Variants in KMT2C observed in about 807,000 individuals in gnomAD.
KMT2C encodes lysine methyltransferase 2C.
In KMT2C, 88 loss-of-function variants were observed where a neutral mutation model predicts 507.9. That is an observed-to-expected ratio of 0.17 (90% CI 0.15 to 0.21). The LOEUF is 0.21. Among genes scored for constraint, KMT2C ranks in the 10% least tolerant of loss-of-function variants. KMT2C has a pLI of 1.00. For missense variants in KMT2C, 4,954 were observed against 5,957.8 expected (o/e 0.83, Z 5.55); for synonymous variants, 2,049 against 2,080.8 (o/e 0.98, Z 0.42).
chr7:152,390,877 C>T (rs552463541), intron 1 of KMT2C, among the ~76,000 whole-genome samples: 93 of 152,138 alleles, frequency 6.1e-4, no homozygotes, highest in Non-Finnish European at 9.6e-4. Flanking sequence ...CCAGGAGCAA[C>T]GGCTCACGCC....
Position 152,336,973 on chromosome 7 carries a change from G to A in KMT2C, c.251-6234C>T, listed in dbSNP as rs542826253. ...AATCTCCATCCACTAGGTGGCACAT[G>A]TACAGTGGTAAACTATACTAAGGAA... On this transcript the variant is annotated intron_variant, in intron 2 of 58. Transcript: ENST00000262189. Among the ~76,000 whole-genome samples, 72 of 144,056 alleles carry A rather than the reference G, an allele frequency of 5.0e-4. No homozygotes were observed. The Middle Eastern group carries it at 0.017, about 34-fold the overall frequency. 94.5% of individuals were successfully genotyped at this position (144,056 alleles called of 152,430 possible).
chr7:152,189,391 G>T (rs1251199708), intron 31 of KMT2C, among the ~76,000 whole-genome samples: 1 of 152,056 alleles, frequency 6.6e-6, no homozygotes, highest in African/African-American at 2.4e-5. Flanking sequence ...ACTATTACAG[G>T]AGATCCACAT....
chr7:152,206,509 A>G (rs1455831212), intron 24 of KMT2C, among the ~76,000 whole-genome samples: 1 of 152,280 alleles, frequency 6.6e-6, no homozygotes, highest in Non-Finnish European at 1.5e-5. Flanking sequence ...TCTTCCTTCC[A>G]TATCAAAAGG....
chr7:152,388,673 G>GA (rs906265857), intron 1 of KMT2C, among the ~76,000 whole-genome samples: 1 of 151,622 alleles, frequency 6.6e-6, no homozygotes, highest in Non-Finnish European at 1.5e-5. Flanking sequence ...ATTGTATGGC[G>GA]AAAAAACACA....
At chr7:152,356,533 G>A (rs922252207) in intron 2 of KMT2C, among the ~76,000 whole-genome samples, 4 of 151,598 alleles carry the variant, frequency 2.6e-5, no homozygotes, top group Non-Finnish European at 4.4e-5. Flanking sequence ...CCAAGATCAC[G>A]CCACTGCACT....
At position 152,152,956 on chromosome 7, in the gene KMT2C, TA is replaced by T; in HGVS notation, c.12277-3del. The T allele has an allele frequency of 6.2e-7, 1 of 1,613,610 alleles. No individual in the cohort carries two copies. The highest frequency in any genetic ancestry group is 8.5e-7 in the Non-Finnish European group (1 of 1,179,486). ...TGCAGCCACAACACTGCTAATGTTC[TA>T]AAACCAAATGCAAATGCTGTATTAT... On this transcript the variant is annotated splice_region_variant and splice_polypyrimidine_tract_variant and intron_variant, in intron 48 of 58. Transcript: ENST00000262189.
rs182709274 is a variant in KMT2C, at chr7:152,362,902, G to A, written c.162-4227C>T. Among the ~76,000 whole-genome samples the A allele has an allele frequency of 4.8e-3, 726 of 152,196 alleles. 6 individuals are homozygous for A. The highest frequency in any genetic ancestry group is 0.016 in the African/African-American group (652 of 41,494). On this transcript the variant is annotated intron_variant, in intron 1 of 58. Transcript: ENST00000262189. ...GGCACTAGGAAGACATGCTTTTTAC[G>A]TTGATCAATTCATCAGAATTCCTTT... is the stretch of plus-strand genomic sequence containing the variant.
chr7:152,232,283 GGAGT>G (rs2095142290), intron 16 of KMT2C, among the ~76,000 whole-genome samples: 1 of 150,946 alleles, frequency 6.6e-6, no homozygotes, highest in African/African-American at 2.4e-5. Flanking sequence ...TCATCATTAG[GGAGT>G]AAGTAAAGCA....
At chr7:152,165,633 A>C (rs562089652) in intron 42 of KMT2C, among the ~76,000 whole-genome samples, 2 of 152,304 alleles carry the variant, frequency 1.3e-5, no homozygotes, top group African/African-American at 4.8e-5. Flanking sequence ...CCAAATCCCT[A>C]ATCTAATAGT....
intron 1 of KMT2C, among the ~76,000 whole-genome samples, chr7:152,411,453 C>G (rs79105197): frequency 1.3e-5 from 2 of 149,948 alleles, no homozygotes; most frequent in African/African-American, 4.9e-5. Flanking sequence ...TCTGACCCCC[C>G]ACCCCCTCAA....
At chr7:152,192,051 GA>G (rs1340019660) in intron 31 of KMT2C, among the ~76,000 whole-genome samples, 18 of 148,664 alleles carry the variant, frequency 1.2e-4, no homozygotes, top group Non-Finnish European at 2.4e-4. Context: ...AAAAAAAAAA[GA>G]AAAAGAAGTC....
intron 39 of KMT2C, among the ~76,000 whole-genome samples, chr7:152,173,602 G>A (rs941275978): frequency 2.0e-5 from 3 of 152,162 alleles, no homozygotes; most frequent in African/African-American, 4.8e-5. Flanking sequence ...AACCCCTACT[G>A]TCTTCTTTAA....
chr7:152,145,920 A>G (rs1012409713), intron 53 of KMT2C, among the ~76,000 whole-genome samples: 6 of 152,254 alleles, frequency 3.9e-5, no homozygotes, highest in Admixed American at 1.3e-4. Context: ...GTCATAAAAG[A>G]TAAGTATCAT....
chr7:152,395,365 A>C (rs1052244465), intron 1 of KMT2C, among the ~76,000 whole-genome samples: 2 of 150,438 alleles, frequency 1.3e-5, no homozygotes, highest in South Asian at 2.1e-4. Flanking sequence ...TCCCCCCCCC[A>C]GTTAGAGACA....
In KMT2C at chr7:152,252,415, T is replaced by C. The variant is rs1470741103; in HGVS notation, c.1469+131A>G. On this transcript the variant is annotated intron_variant, in intron 10 of 58. Coordinates refer to ENST00000262189, the MANE Select transcript of KMT2C (RefSeq NM_170606.3). ...GACTCAAAAACATCATTTAATTCCA[T>C]CTATAACAGCAATCAGTACTGATGG... 4 of 716,436 alleles carry C rather than the reference T, an allele frequency of 5.6e-6. No individual in the cohort carries two copies. The East Asian group carries it at 8.1e-5, about 15-fold the overall frequency. 44.4% of individuals were successfully genotyped at this position (716,436 alleles called of 1,614,324 possible). A position where few individuals can be genotyped will look rare whatever the true frequency, so the allele number is the denominator to read the frequency against.
At chr7:152,231,735 T>G (rs1472649571) in intron 16 of KMT2C, among the ~76,000 whole-genome samples, 1 of 151,674 alleles carries the variant, frequency 6.6e-6, no homozygotes, top group African/African-American at 2.4e-5. Context: ...GAGCCAAGAT[T>G]ACGCCACTGC....
intron 3 of KMT2C, among the ~76,000 whole-genome samples, chr7:152,319,566 TCTCTAAACTCTTTTAGAGTTTAGAGAAGA>T (rs2096752592): frequency 6.6e-6 from 1 of 151,012 alleles, no homozygotes; most frequent in Admixed American, 6.6e-5. Context: ...GGAAAGGGAG[TCTCTAAACTCTTTTAGAGTTTAGAGAAGA>T]CTCTACTCCT....
chr7:152,225,236 C>T (rs2094891174), intron 18 of KMT2C, among the ~76,000 whole-genome samples: 1 of 152,144 alleles, frequency 6.6e-6, no homozygotes, highest in South Asian at 2.1e-4. Context: ...GATTGTGGAA[C>T]TTCTTAAAGA....
chr7:152,341,053 A>C (rs1446048399), intron 2 of KMT2C, among the ~76,000 whole-genome samples: 1 of 152,256 alleles, frequency 6.6e-6, no homozygotes, highest in African/African-American at 2.4e-5. Flanking sequence ...AACAAATTAC[A>C]ACATACATCT....
Sources: gnomAD v4.1 joint callset for allele counts (sites outside exome capture counted in the v4.1 genomes callset) on GRCh38, gnomAD v4.1.1 for gene constraint, MANE v1.5 for transcripts, NCBI Gene and HGNC (gene_info 2026-07-23, HGNC 2026-07-21) for gene names.